The following GALNT17 variants were observed in gnomAD, a reference collection of about 807,000 sequenced individuals.
GALNT17 encodes the protein UDP-GalNAc:polypeptide N-acetylgalactosaminyltransferase-like 3.
In GALNT17, 29 loss-of-function variants were observed where a neutral mutation model predicts 63.7. That is an observed-to-expected ratio of 0.46 (90% CI 0.34 to 0.62). The LOEUF is 0.62. Among genes scored for constraint, GALNT17 ranks in the 20% least tolerant of loss-of-function variants. The pLI, the probability that GALNT17 is intolerant of heterozygous loss-of-function variation, is 0.01. For synonymous variants in GALNT17, 305 were observed against 318.3 expected (o/e 0.96, Z 0.45); for missense variants, 603 against 799.6 (o/e 0.75, Z 2.97).
intron 5 of GALNT17, among the ~76,000 whole-genome samples, chr7:71,558,312 T>G (rs370353273): frequency 6.6e-6 from 1 of 151,990 alleles, no homozygotes; most frequent in African/African-American, 2.4e-5. Context: ...CATTAATGAG[T>G]CTAGGTTTTT....
intron 2 of GALNT17, among the ~76,000 whole-genome samples, chr7:71,382,376 A>G (rs1314279240): frequency 1.3e-5 from 2 of 152,118 alleles, no homozygotes; most frequent in Non-Finnish European, 2.9e-5. Flanking sequence ...GCAAGACTCC[A>G]TCTCAAAAAC....
At chr7:71,426,583 C>CT in intron 5 of GALNT17, among the ~76,000 whole-genome samples, 1 of 152,206 alleles carries the variant, frequency 6.6e-6, no homozygotes, top group African/African-American at 2.4e-5. Context: ...CCTCATAGAG[C>CT]TTTTACTCAT....
intron 5 of GALNT17, among the ~76,000 whole-genome samples, chr7:71,465,641 C>T (rs1787523287): frequency 6.6e-6 from 1 of 152,186 alleles, no homozygotes; most frequent in Admixed American, 6.5e-5. Context: ...CCTTTGGCCC[C>T]TCTGAAAGTT....
intron 1 of GALNT17, among the ~76,000 whole-genome samples, chr7:71,309,639 A>G (rs1216015822): frequency 6.6e-6 from 1 of 152,182 alleles, no homozygotes; most frequent in Non-Finnish European, 1.5e-5. Context: ...GTTACATACT[A>G]GAGGAATATT....
intron 1 of GALNT17, among the ~76,000 whole-genome samples, chr7:71,160,601 G>T (rs1246066078): frequency 6.6e-6 from 1 of 152,122 alleles, no homozygotes; most frequent in Non-Finnish European, 1.5e-5. Context: ...TGGGATTACA[G>T]GTGCCTGCTA....
At chr7:71,695,185 C>T (rs776485145) in intron 9 of GALNT17, among the ~76,000 whole-genome samples, 1 of 152,158 alleles carries the variant, frequency 6.6e-6, no homozygotes, top group Non-Finnish European at 1.5e-5. Flanking sequence ...TGCCCCACAC[C>T]AAGAGAGGCC....
chr7:71,503,634 G>T (rs907936356), intron 5 of GALNT17, among the ~76,000 whole-genome samples: 1 of 152,198 alleles, frequency 6.6e-6, no homozygotes, highest in African/African-American at 2.4e-5. Flanking sequence ...ATGTAGCCAA[G>T]ATTTCAGTAC....
At chr7:71,231,961 A>G (rs1023878996) in intron 1 of GALNT17, among the ~76,000 whole-genome samples, 1 of 152,024 alleles carries the variant, frequency 6.6e-6, no homozygotes, top group Non-Finnish European at 1.5e-5. Context: ...TTAAGTCCAT[A>G]ACATTGGGGA....
At chr7:71,290,866 T>C (rs142334919) in intron 1 of GALNT17, among the ~76,000 whole-genome samples, 48 of 152,282 alleles carry the variant, frequency 3.2e-4, no homozygotes, top group African/African-American at 1.1e-3. Context: ...TAGAGAGACA[T>C]AATATTGGAC....
intron 6 of GALNT17, among the ~76,000 whole-genome samples, chr7:71,647,732 A>T (rs998191866): frequency 1.3e-5 from 2 of 152,174 alleles, no homozygotes; most frequent in African/African-American, 4.8e-5. Flanking sequence ...AATCATACAC[A>T]TTCTCCAAGC....
At chr7:71,603,459 G>A (rs1397941988) in intron 6 of GALNT17, among the ~76,000 whole-genome samples, 2 of 152,080 alleles carry the variant, frequency 1.3e-5, no homozygotes, top group Non-Finnish European at 2.9e-5. Context: ...GCATATACCA[G>A]GTACTATGTT....
chr7:71,380,757 G>C (rs1432150594), intron 2 of GALNT17, among the ~76,000 whole-genome samples: 1 of 151,952 alleles, frequency 6.6e-6, no homozygotes, highest in Non-Finnish European at 1.5e-5. Context: ...GGATGCAGGG[G>C]TCAGCCTTGA....
At chr7:71,445,810 G>A (rs115624493) in intron 5 of GALNT17, among the ~76,000 whole-genome samples, 176 of 152,120 alleles carry the variant, frequency 1.2e-3, no homozygotes, top group African/African-American at 4.0e-3. Context: ...TTCCCCTGGA[G>A]TGCTCCTTAA....
intron 2 of GALNT17, among the ~76,000 whole-genome samples, chr7:71,345,499 T>C (rs1246634919): frequency 6.6e-6 from 1 of 152,188 alleles, no homozygotes; most frequent in Non-Finnish European, 1.5e-5. Context: ...ATCCCGACAA[T>C]GTCTGCTTTG....
chr7:71,657,341 ATAAAG>A (rs753296577), intron 6 of GALNT17, among the ~76,000 whole-genome samples: 58 of 152,388 alleles, frequency 3.8e-4, no homozygotes, highest in African/African-American at 1.1e-3. Flanking sequence ...TGAAAAATAA[ATAAAG>A]TAAATATATT....
intron 1 of GALNT17, among the ~76,000 whole-genome samples, chr7:71,237,184 T>C (rs1355002165): frequency 6.6e-6 from 1 of 152,008 alleles, no homozygotes; most frequent in Admixed American, 6.5e-5. Context: ...CTTTGAAAAA[T>C]AGCTTTATTG....
chr7:71,314,367 C>A (rs1397974045), intron 1 of GALNT17, among the ~76,000 whole-genome samples: 1 of 151,756 alleles, frequency 6.6e-6, no homozygotes, highest in Non-Finnish European at 1.5e-5. Flanking sequence ...GTGCAGCCCC[C>A]CAAAAAAGTA....
At chr7:71,326,779 T>G (rs2116039073) in intron 1 of GALNT17, among the ~76,000 whole-genome samples, 1 of 152,308 alleles carries the variant, frequency 6.6e-6, no homozygotes, top group African/African-American at 2.4e-5. Flanking sequence ...ATCTCGTGAC[T>G]CATTTCCTTA....
intron 1 of GALNT17, among the ~76,000 whole-genome samples, chr7:71,232,988 G>A (rs900659180): frequency 6.6e-6 from 1 of 152,054 alleles, no homozygotes; most frequent in Non-Finnish European, 1.5e-5. Context: ...CACACATATT[G>A]TCTCCTTTAA....
Sources: allele counts gnomAD v4.1 joint callset (sites outside exome capture counted in the v4.1 genomes callset), GRCh38; gene constraint gnomAD v4.1.1; transcripts MANE v1.5; gene names NCBI Gene and HGNC (gene_info 2026-07-23, HGNC 2026-07-21).